The following THSD7B variants were observed in gnomAD, a reference collection of about 807,000 sequenced individuals.
The protein encoded by THSD7B is thrombospondin type 1 domain containing 7B.
THSD7B carries 138 observed loss-of-function variants against 213.6 expected under a neutral mutation model. The observed-to-expected ratio is 0.65, with a 90% CI of 0.56 to 0.74. The LOEUF (loss-of-function observed/expected upper bound fraction) is 0.74, where lower values mean the gene tolerates loss of function less well. Ranked by LOEUF, THSD7B falls within the 30% of genes least tolerant of loss-of-function variation. The pLI is 0.00. For synonymous variants in THSD7B, 742 were observed against 687.0 expected (o/e 1.08, Z -1.25); for missense variants, 1,931 against 1,991.5 (o/e 0.97, Z 0.58).
chr2:137,657,485 G>A (rs1176232835), intron 24 of THSD7B, among the ~76,000 whole-genome samples: 2 of 151,974 alleles, frequency 1.3e-5, no homozygotes, highest in African/African-American at 4.8e-5. Flanking sequence ...ACGTTTCAAA[G>A]GACATATCTT....
chr2:137,447,403 A>T (rs1194018651), intron 14 of THSD7B, among the ~76,000 whole-genome samples: 1 of 152,188 alleles, frequency 6.6e-6, no homozygotes, highest in African/African-American at 2.4e-5. Context: ...TGAAGTATGC[A>T]TGCCATGAGA....
chr2:136,901,515 T>G (rs1684062596), intron 2 of THSD7B, among the ~76,000 whole-genome samples: 1 of 152,246 alleles, frequency 6.6e-6, no homozygotes, highest in African/African-American at 2.4e-5. Context: ...CACTAAAGGA[T>G]GCTAATGAGA....
At chr2:137,285,722 A>C (rs1353381526) in intron 12 of THSD7B, among the ~76,000 whole-genome samples, 2 of 152,072 alleles carry the variant, frequency 1.3e-5, no homozygotes, top group Non-Finnish European at 2.9e-5. Context: ...GCATGTATTT[A>C]CCATTTTTGC....
chr2:137,195,482 G>A (rs1680742535), intron 7 of THSD7B, among the ~76,000 whole-genome samples: 1 of 151,988 alleles, frequency 6.6e-6, no homozygotes, highest in Non-Finnish European at 1.5e-5. Flanking sequence ...AGATCTTCAT[G>A]TGCCAAAAAG....
intron 7 of THSD7B, among the ~76,000 whole-genome samples, chr2:137,207,948 G>A (rs1354167942): frequency 6.6e-6 from 1 of 152,006 alleles, no homozygotes; most frequent in East Asian, 1.9e-4. Flanking sequence ...TTTAATTAAT[G>A]CAAGGCTGCC....
At chr2:137,656,403 C>T (rs1242622084) in intron 22 of THSD7B, among the ~76,000 whole-genome samples, 1 of 151,946 alleles carries the variant, frequency 6.6e-6, no homozygotes, top group Non-Finnish European at 1.5e-5. Context: ...ATTTCAGTGA[C>T]CTACTTATTC....
intron 3 of THSD7B, among the ~76,000 whole-genome samples, chr2:137,078,179 A>G (rs1265651446): frequency 2.6e-5 from 4 of 152,014 alleles, no homozygotes; most frequent in Non-Finnish European, 4.4e-5. Flanking sequence ...TGTTCCATTG[A>G]TCTATATCTC....
chr2:137,278,169 A>G (rs77224172), intron 12 of THSD7B, among the ~76,000 whole-genome samples: 5,777 of 152,192 alleles, frequency 0.038, 146 homozygotes, highest in Non-Finnish European at 0.063. Flanking sequence ...GGAGAAAAGT[A>G]TCAAAGAAAT....
intron 2 of THSD7B, among the ~76,000 whole-genome samples, chr2:136,957,039 A>G (rs573195445): frequency 2.8e-4 from 43 of 152,032 alleles, no homozygotes; most frequent in Admixed American, 2.3e-3. Context: ...CCCAACGTTC[A>G]TTGCCCCTTC....
intron 10 of THSD7B, among the ~76,000 whole-genome samples, chr2:137,267,156 T>C (rs1386668038): frequency 6.6e-6 from 1 of 152,220 alleles, no homozygotes; most frequent in Non-Finnish European, 1.5e-5. Flanking sequence ...TAAGTCACCA[T>C]CTTCTCTAAA....
chr2:137,455,585 G>T (rs1276404165), intron 15 of THSD7B, among the ~76,000 whole-genome samples: 1 of 152,118 alleles, frequency 6.6e-6, no homozygotes, highest in East Asian at 1.9e-4. Context: ...CTCTAAAAGT[G>T]CCTAAATGAC....
chr2:137,025,676 T>G (rs538666847), intron 2 of THSD7B, among the ~76,000 whole-genome samples: 1 of 152,204 alleles, frequency 6.6e-6, no homozygotes, highest in East Asian at 1.9e-4. Context: ...AAAATAAGTG[T>G]GTGGGAAGCA....
chr2:137,308,171 C>A (rs1018875571), intron 12 of THSD7B, among the ~76,000 whole-genome samples: 1 of 151,958 alleles, frequency 6.6e-6, no homozygotes, highest in Non-Finnish European at 1.5e-5. Context: ...TATGCATGTG[C>A]ACTCACACTC....
intron 2 of THSD7B, among the ~76,000 whole-genome samples, chr2:137,025,784 A>G (rs1220808983): frequency 6.6e-6 from 1 of 152,102 alleles, no homozygotes; most frequent in Non-Finnish European, 1.5e-5. Flanking sequence ...TCTACTTGCA[A>G]GGAGATTGGG....
At chr2:136,836,041 G>A (rs778230897) in intron 1 of THSD7B, among the ~76,000 whole-genome samples, 7 of 152,160 alleles carry the variant, frequency 4.6e-5, no homozygotes, top group East Asian at 1.9e-4. Context: ...AGATCATTGC[G>A]TGTGGGAAGA....
chr2:137,323,045 C>A (rs1173932236), intron 12 of THSD7B, among the ~76,000 whole-genome samples: 1 of 152,154 alleles, frequency 6.6e-6, no homozygotes, highest in African/African-American at 2.4e-5. Context: ...GACTCTCAGG[C>A]AAGCTCACTG....
At chr2:137,103,204 C>T (rs1368020191) in intron 4 of THSD7B, among the ~76,000 whole-genome samples, 1 of 151,544 alleles carries the variant, frequency 6.6e-6, no homozygotes, top group African/African-American at 2.4e-5. Flanking sequence ...AGAAACCCTA[C>T]AAGCTAGAAG....
chr2:137,457,907 C>T (rs749115985), intron 15 of THSD7B, among the ~76,000 whole-genome samples: 5 of 152,126 alleles, frequency 3.3e-5, no homozygotes, highest in South Asian at 4.1e-4. Context: ...CTTCTGTAAG[C>T]GATGATACTA....
chr2:137,610,245 G>C (rs529116781), intron 17 of THSD7B, among the ~76,000 whole-genome samples: 11 of 152,116 alleles, frequency 7.2e-5, no homozygotes, highest in Non-Finnish European at 1.5e-5. Context: ...TTGATTTAGT[G>C]GATCTAGAAT....
Sources: gnomAD v4.1 joint callset for allele counts (sites outside exome capture counted in the v4.1 genomes callset) on GRCh38, gnomAD v4.1.1 for gene constraint, MANE v1.5 for transcripts, NCBI Gene and HGNC (gene_info 2026-07-23, HGNC 2026-07-21) for gene names.